The following BCL2L13 variants were observed in gnomAD, a reference collection of about 807,000 sequenced individuals.
BCL2L13 encodes bcl-2-like protein 13.
Under a neutral mutation model 25.8 loss-of-function variants are expected in BCL2L13, and 13 were observed. The observed-to-expected ratio is 0.50, with a 90% CI of 0.33 to 0.80. The LOEUF is 0.80. Ranked by LOEUF, BCL2L13 falls within the 30% of genes least tolerant of loss-of-function variation. The probability of loss-of-function intolerance (pLI) is 0.02; values close to 1 mark genes in which losing one functional copy is unlikely to be tolerated. For synonymous variants in BCL2L13, 244 were observed against 230.3 expected, an observed-to-expected ratio of 1.06 and a Z score of -0.54; for missense variants, 504 against 574.9, an observed-to-expected ratio of 0.88 and a Z score of 1.26.
At chr22:17,681,939 TTTATGAGCATA>T (rs2059768423) in intron 2 of BCL2L13, among the ~76,000 whole-genome samples, 1 of 152,128 alleles carries the variant, frequency 6.6e-6, no homozygotes, top group Non-Finnish European at 1.5e-5. Flanking sequence ...TTATGAGCAT[TTTATGAGCATA>T]TGTGTATATA....
intron 1 of BCL2L13, among the ~76,000 whole-genome samples, chr22:17,630,300 G>A (rs1159871852): frequency 2.7e-5 from 4 of 146,192 alleles, no homozygotes; most frequent in African/African-American, 1.0e-4. Flanking sequence ...TTTTTTTTGA[G>A]ACAGAGTCTC....
chr22:17,671,203 G>T (rs1333837678), intron 2 of BCL2L13, among the ~76,000 whole-genome samples: 1 of 152,036 alleles, frequency 6.6e-6, no homozygotes, highest in Non-Finnish European at 1.5e-5. Context: ...GACCATCCTG[G>T]CTAAGACGGT....
intron 2 of BCL2L13, among the ~76,000 whole-genome samples, chr22:17,668,809 T>C (rs1260990774): frequency 6.6e-6 from 1 of 152,112 alleles, no homozygotes; most frequent in African/African-American, 2.4e-5. Context: ...GAAGTAGGGA[T>C]TCAGATAAGT....
At chr22:17,716,892 A>G (rs979676024) in intron 6 of BCL2L13, among the ~76,000 whole-genome samples, 4 of 152,122 alleles carry the variant, frequency 2.6e-5, no homozygotes, top group African/African-American at 4.8e-5. Context: ...AGCAAGACTG[A>G]GGGGGAAACA....
intron 2 of BCL2L13, among the ~76,000 whole-genome samples, chr22:17,664,407 A>G (rs1272567326): frequency 1.1e-5 from 1 of 93,164 alleles, no homozygotes; most frequent in African/African-American, 3.5e-5. Context: ...TTTGCAGCAT[A>G]TATAGCCACC....
chr22:17,634,359 G>A (rs946772388), upstream of BCL2L13, among the ~76,000 whole-genome samples: 5 of 151,952 alleles, frequency 3.3e-5, no homozygotes, highest in African/African-American at 1.2e-4. Context: ...CTAATTTTTT[G>A]TATTTTTAGT....
chr22:17,640,914 G>A (rs1032098235), intron 1 of BCL2L13, among the ~76,000 whole-genome samples: 1 of 148,198 alleles, frequency 6.7e-6, no homozygotes, highest in African/African-American at 2.5e-5. Flanking sequence ...TTTTTGAGGC[G>A]GAGTGTCGCT....
chr22:17,698,179 C>T (rs1197212005), intron 5 of BCL2L13, among the ~76,000 whole-genome samples: 4 of 151,810 alleles, frequency 2.6e-5, no homozygotes, highest in South Asian at 2.1e-4. Flanking sequence ...GGTGCAATCT[C>T]GGCTCACTCA....
At chr22:17,720,949 G>A (rs888329746) in intron 6 of BCL2L13, among the ~76,000 whole-genome samples, 3 of 151,974 alleles carry the variant, frequency 2.0e-5, no homozygotes, top group South Asian at 4.2e-4. Context: ...GGTGGATCAC[G>A]AGGTCAGGAG....
intron 2 of BCL2L13, among the ~76,000 whole-genome samples, chr22:17,671,738 T>C (rs2059426797): frequency 6.6e-6 from 1 of 152,032 alleles, no homozygotes; most frequent in African/African-American, 2.4e-5. Flanking sequence ...AGACAGAGTC[T>C]CACACTCTTT....
chr22:17,678,521 C>G (rs1291838999), intron 2 of BCL2L13, among the ~76,000 whole-genome samples: 2 of 152,118 alleles, frequency 1.3e-5, no homozygotes. Flanking sequence ...CACCAGAGTT[C>G]CAATTATAAC....
chr22:17,638,497 G>C (rs1601445423), upstream of BCL2L13: 1 of 409,346 alleles, frequency 2.4e-6, no homozygotes, highest in African/African-American at 2.0e-5. Context: ...GGAATCGCCT[G>C]CCCTTCCTCC....
chr22:17,678,832 T>C (rs1230512478), intron 2 of BCL2L13, among the ~76,000 whole-genome samples: 1 of 152,196 alleles, frequency 6.6e-6, no homozygotes, highest in Non-Finnish European at 1.5e-5. Flanking sequence ...GTTTCTTCAG[T>C]GGATAAATGA....
chr22:17,636,965 T>C (rs1462628127), upstream of BCL2L13, among the ~76,000 whole-genome samples: 1 of 152,156 alleles, frequency 6.6e-6, no homozygotes, highest in Non-Finnish European at 1.5e-5. Context: ...TACAGTGAAC[T>C]GCACAGACCT....
chr22:17,683,918 A>G (rs1401767478), intron 3 of BCL2L13, among the ~76,000 whole-genome samples: 3 of 151,276 alleles, frequency 2.0e-5, no homozygotes, highest in Non-Finnish European at 4.4e-5. Context: ...TCTGTTGCCC[A>G]GGCTGGAGTG....
chr22:17,714,446 C>A (rs1322919956), intron 6 of BCL2L13, among the ~76,000 whole-genome samples: 5 of 151,144 alleles, frequency 3.3e-5, no homozygotes, highest in Non-Finnish European at 1.5e-5. Flanking sequence ...AGTGAGACTC[C>A]ATCTCAAAAA....
chr22:17,680,546 A>AG (rs2059718252), intron 2 of BCL2L13, among the ~76,000 whole-genome samples: 2 of 136,612 alleles, frequency 1.5e-5, no homozygotes, highest in East Asian at 2.1e-4. Context: ...AAAAAAGAAA[A>AG]AAAGACTCAT....
chr22:17,670,599 C>T (rs550404093), intron 2 of BCL2L13, among the ~76,000 whole-genome samples: 41 of 151,908 alleles, frequency 2.7e-4, no homozygotes, highest in Non-Finnish European at 4.9e-4. Flanking sequence ...GTCTCAAGCC[C>T]CCGACCTCGG....
At chr22:17,679,264 C>CTTTTT (rs3044588) in intron 2 of BCL2L13, among the ~76,000 whole-genome samples, 37 of 76,124 alleles carry the variant, frequency 4.9e-4, no homozygotes, top group African/African-American at 1.1e-3. Context: ...TGGTTTGGCT[C>CTTTTT]TTTTTTTTTT....
Sources: allele counts gnomAD v4.1 joint callset (sites outside exome capture counted in the v4.1 genomes callset), GRCh38; gene constraint gnomAD v4.1.1; transcripts MANE v1.5; gene names NCBI Gene and HGNC (gene_info 2026-07-23, HGNC 2026-07-21).